The following VWA3B variants were observed in gnomAD, a reference collection of about 807,000 sequenced individuals.
The protein encoded by VWA3B is von Willebrand factor A domain-containing protein 3B.
VWA3B carries 138 observed loss-of-function variants against 158.3 expected under a neutral mutation model. That is an observed-to-expected ratio of 0.87 (90% CI 0.76 to 1.00). The LOEUF (loss-of-function observed/expected upper bound fraction) is 1.00, where lower values mean the gene tolerates loss of function less well. Among genes scored for constraint, VWA3B ranks in the 50% least tolerant of loss-of-function variants. The pLI, the probability that VWA3B is intolerant of heterozygous loss-of-function variation, is 0.00. For synonymous variants in VWA3B, 596 were observed against 587.3 expected (o/e 1.01, Z -0.21); for missense variants, 1,555 against 1,565.1 (o/e 0.99, Z 0.11).
intron 2 of VWA3B, 42 bp from the exon 3 acceptor site, chr2:98,115,610 C>T (rs1573802629): frequency 6.8e-7 from 1 of 1,478,680 alleles, no homozygotes; most frequent in Non-Finnish European, 9.4e-7. Context: ...AAGGTTCACT[C>T]ATGTACTACT....
chr2:98,218,887 G>A (rs1348518550), intron 14 of VWA3B, among the ~76,000 whole-genome samples: 1 of 152,176 alleles, frequency 6.6e-6, no homozygotes, highest in African/African-American at 2.4e-5. Flanking sequence ...CCACTAGTGA[G>A]GATTGGAAAC....
intron 12 of VWA3B, among the ~76,000 whole-genome samples, chr2:98,200,736 C>G (rs545345641): frequency 1.3e-5 from 2 of 152,122 alleles, no homozygotes; most frequent in Non-Finnish European, 1.5e-5. Context: ...TGCTTTTAGA[C>G]CCATAGCTAA....
In VWA3B at chr2:98,181,028, C is replaced by T. The variant is rs761793330; in HGVS notation, c.1127C>T (p.Thr376Ile). The T allele has an allele frequency of 3.7e-6, 6 of 1,614,116 alleles. No individual in the cohort carries two copies. Among genetic ancestry groups the T allele is most frequent in the East Asian group, 2.2e-5 (1 of 44,872 alleles). The change falls in exon 9 of 28, where the codon ACC (threonine) becomes ATC (isoleucine). Residue 376 changes from threonine (T) to isoleucine (I), a missense_variant. Thr to Ile is a moderately conservative substitution (Grantham distance 89). Transcript: ENST00000477737. ...TGTGATTCTACAGAGTCAGAAACAA[C>T]CTCTGTTGAGATTGCATCGAATCCA... ...VATVDCESET[T>I]SVEIASNPED...
chr2:98,101,328 A>C (rs1228709532), intron 2 of VWA3B, among the ~76,000 whole-genome samples: 1 of 152,224 alleles, frequency 6.6e-6, no homozygotes, highest in Non-Finnish European at 1.5e-5. Flanking sequence ...TTGGGATGCC[A>C]TTGAAATATA....
intron 8 of VWA3B, among the ~76,000 whole-genome samples, chr2:98,165,125 T>C (rs1678958330): frequency 2.6e-5 from 4 of 152,354 alleles, no homozygotes; most frequent in African/African-American, 9.6e-5. Flanking sequence ...GCATGGCCTT[T>C]CCTCTGTAAG....
chr2:98,215,439 T>TAA (rs1057093268), intron 13 of VWA3B, among the ~76,000 whole-genome samples: 2 of 137,658 alleles, frequency 1.5e-5, no homozygotes, highest in Non-Finnish European at 1.6e-5. Flanking sequence ...AGACTCCATC[T>TAA]AAAAAAAAAA....
chr2:98,323,594 C>A, the VWA3B span, among the ~76,000 whole-genome samples: 2 of 151,794 alleles, frequency 1.3e-5, no homozygotes, highest in Non-Finnish European at 2.9e-5. Context: ...GCCTAAGGAA[C>A]CTCAAAACAT....
intron 1 of VWA3B, among the ~76,000 whole-genome samples, chr2:98,092,520 G>A (rs1559525638): frequency 6.6e-6 from 1 of 152,034 alleles, no homozygotes; most frequent in Non-Finnish European, 1.5e-5. Context: ...GCACGCGCCT[G>A]TAATCCCAGC....
chr2:98,132,746 TG>T (rs1348714653), intron 6 of VWA3B, among the ~76,000 whole-genome samples: 4 of 152,180 alleles, frequency 2.6e-5, no homozygotes, highest in Non-Finnish European at 5.9e-5. Context: ...CTGCTCTGGA[TG>T]AAGCTCCTGC....
intron 7 of VWA3B, among the ~76,000 whole-genome samples, chr2:98,143,752 CTTTTTTTTTT>C (rs534351736): frequency 7.6e-6 from 1 of 130,952 alleles, no homozygotes; most frequent in Non-Finnish European, 1.6e-5. Context: ...CTTTTCTTTT[CTTTTTTTTTT>C]TTTTTTTGAG....
At chr2:98,250,792 G>T (rs1453867173) in intron 20 of VWA3B, among the ~76,000 whole-genome samples, 1 of 152,044 alleles carries the variant, frequency 6.6e-6, no homozygotes, top group East Asian at 1.9e-4. Context: ...ACAAAGAAAG[G>T]ATAGATGCTT....
At chr2:98,191,977 C>A (rs1168674866) in intron 10 of VWA3B, among the ~76,000 whole-genome samples, 1 of 152,214 alleles carries the variant, frequency 6.6e-6, no homozygotes, top group Non-Finnish European at 1.5e-5. Flanking sequence ...TTATTTATAT[C>A]CTGTGATGGG....
chr2:98,119,638 A>G lies in VWA3B; in HGVS notation c.417A>G (p.Glu139=), dbSNP rs1674801959. ...KSRQIFGVIL[E]QCVTIVLDFG... The stretch of plus-strand genomic sequence containing the variant: ...GGCAGATTTTTGGTGTCATCTTGGA[A>G]CAGTGCGTCACCATAGTGCTGGATT... The change falls in exon 4 of 28, where the codon GAA becomes GAG. Residue 139 remains glutamate, a synonymous_variant. Coordinates refer to ENST00000477737, the MANE Select transcript of VWA3B (RefSeq NM_144992.5). The G allele has an allele frequency of 6.2e-7, 1 of 1,614,060 alleles. No individual in the cohort carries two copies. The highest frequency in any genetic ancestry group is 8.5e-7 in the Non-Finnish European group (1 of 1,180,006).
chr2:98,117,818 C>G (rs989576820), intron 3 of VWA3B, among the ~76,000 whole-genome samples: 11 of 147,068 alleles, frequency 7.5e-5, no homozygotes, highest in African/African-American at 2.8e-4. Context: ...GGTGCCATCT[C>G]AGCTCACTCC....
intron 21 of VWA3B, among the ~76,000 whole-genome samples, chr2:98,268,982 A>T (rs1018855666): frequency 3.9e-5 from 6 of 152,128 alleles, no homozygotes. Context: ...ACTCAGGCTT[A>T]TCATGGTCCA....
chr2:98,256,163 G>A lies in VWA3B; in HGVS notation c.2832G>A (p.Glu944=). ...NKIVWRALSQ[E]EKEKLDANKP... ...TTGTTTGGCGAGCATTATCTCAAGA[G>A]GAAAAAGAAAAGTAAGCCATTCCAT... The change falls in exon 21 of 28, where the codon GAG becomes GAA. Residue 944 remains glutamate (E), a synonymous_variant. Transcript: ENST00000477737. 6.2e-7 allele frequency: 1 copy of A among 1,610,012 alleles called. No individual in the cohort carries two copies. Among genetic ancestry groups the A allele is most frequent in the Admixed American group, 1.7e-5 (1 of 59,344 alleles).
Position 98,191,110 on chromosome 2 carries a change from C to T in VWA3B, c.1467-1788C>T, listed in dbSNP as rs186445852. On this transcript the variant is annotated intron_variant, in intron 10 of 27. Coordinates refer to ENST00000477737, the MANE Select transcript of VWA3B (RefSeq NM_144992.5). Reference sequence around the variant, plus strand: ...CTTTTGTTCCCTAATCTTTTCTTCTCCTAATGTCTAATGTACTATTAATAC... The same window carrying T: ...CTTTTGTTCCCTAATCTTTTCTTCTTCTAATGTCTAATGTACTATTAATAC... Among the ~76,000 whole-genome samples, 706 of 152,160 alleles carry T rather than the reference C, an allele frequency of 4.6e-3. 5 individuals carry two copies. Among genetic ancestry groups the T allele is most frequent in the Admixed American group, 0.014 (208 of 15,278 alleles).
chr2:98,162,821 C>A (rs369518498), intron 7 of VWA3B, 30 bp from the exon 8 acceptor site: 4 of 1,611,144 alleles, frequency 2.5e-6, no homozygotes. Flanking sequence ...CTGTCTCAGC[C>A]GGCCGCTCAT....
intron 1 of VWA3B, among the ~76,000 whole-genome samples, chr2:98,091,766 T>G (rs11890360): frequency 0.073 from 11,140 of 152,280 alleles, 535 homozygotes; most frequent in Middle Eastern, 0.15. Flanking sequence ...CAGTTAAAGT[T>G]TTAGAAATAG....
Sources: gnomAD v4.1 joint callset for allele counts (sites outside exome capture counted in the v4.1 genomes callset) on GRCh38, gnomAD v4.1.1 for gene constraint, MANE v1.5 for transcripts, NCBI Gene and HGNC (gene_info 2026-07-23, HGNC 2026-07-21) for gene names.